MACROD1: variants seen among roughly 807,000 people sequenced by gnomAD.
MACROD1 encodes the protein ADP-ribose glycohydrolase MACROD1.
A neutral mutation model predicts 41.4 loss-of-function variants in MACROD1; 31 were observed. The observed-to-expected ratio is 0.75, with a 90% confidence interval of 0.56 to 1.01. The LOEUF is 1.01. Ranked by LOEUF, MACROD1 falls within the 50% of genes least tolerant of loss-of-function variation. The probability of loss-of-function intolerance (pLI) is 0.00; values close to 1 mark genes in which losing one functional copy is unlikely to be tolerated. For synonymous variants in MACROD1, 252 were observed against 203.4 expected, an observed-to-expected ratio of 1.24 and a Z score of -2.03; for missense variants, 473 against 460.0, an observed-to-expected ratio of 1.03 and a Z score of -0.26.
intron 3 of MACROD1, among the ~76,000 whole-genome samples, chr11:64,071,515 C>CCCAGA (rs1246435652): frequency 2.0e-5 from 3 of 152,156 alleles, no homozygotes; most frequent in Non-Finnish European, 4.4e-5. Context: ...CCAGGAGTCA[C>CCCAGA]CCTGGGGCCC....
intron 3 of MACROD1, among the ~76,000 whole-genome samples, chr11:64,099,119 C>T (rs954849559): frequency 1.3e-5 from 2 of 152,208 alleles, no homozygotes; most frequent in Admixed American, 1.3e-4. Flanking sequence ...GCCAGACCTG[C>T]CTCCCTCTGG....
chr11:64,078,657 C>T (rs1204602519), intron 3 of MACROD1, among the ~76,000 whole-genome samples: 1 of 152,170 alleles, frequency 6.6e-6, no homozygotes, highest in Non-Finnish European at 1.5e-5. Flanking sequence ...CCTTGTCCTA[C>T]AAATATGTGC....
At chr11:64,084,087 G>T (rs1039718224) in intron 3 of MACROD1, among the ~76,000 whole-genome samples, 3 of 152,190 alleles carry the variant, frequency 2.0e-5, no homozygotes, top group Admixed American at 6.5e-5. Context: ...CTGCCATCCT[G>T]CACACGGGCC....
At chr11:64,137,238 G>A (rs530533492) in intron 3 of MACROD1, among the ~76,000 whole-genome samples, 91 of 152,284 alleles carry the variant, frequency 6.0e-4, no homozygotes, top group African/African-American at 2.2e-3. Flanking sequence ...CCGTGAGCAC[G>A]ACACAGGGGA....
Position 63,998,574 on chromosome 11 carries a change from T to G in MACROD1, c.*144A>C. On this transcript the variant is annotated 3_prime_UTR_variant, in exon 11 of 11. Transcript: ENST00000255681. ...AGTAGGAGCTGCCACAACGAGATCT[T>G]TATTAGGCTCCTCGGGGGCGGGGCG... is the stretch of plus-strand genomic sequence containing the variant. 1.6e-5 allele frequency: 19 copies of G among 1,200,828 alleles called. No homozygotes were observed. Among genetic ancestry groups the G allele is most frequent in the Admixed American group, 8.0e-5 (2 of 25,086 alleles). The allele number at this position is 1,200,828 out of a possible 1,614,324, so 74.4% of individuals were successfully genotyped here.
chr11:64,148,403 T>C (rs1284860140), intron 3 of MACROD1, among the ~76,000 whole-genome samples: 2 of 151,926 alleles, frequency 1.3e-5, no homozygotes, highest in African/African-American at 2.4e-5. Context: ...CACAACAAAA[T>C]CCAGAAGCTC....
At chr11:64,075,561 G>A (rs1944185221) in intron 3 of MACROD1, among the ~76,000 whole-genome samples, 1 of 152,264 alleles carries the variant, frequency 6.6e-6, no homozygotes, top group Non-Finnish European at 1.5e-5. Context: ...CTGGCCTGCT[G>A]CCCTCCTTCC....
At chr11:64,091,402 G>A (rs1193018338) in intron 3 of MACROD1, among the ~76,000 whole-genome samples, 1 of 151,924 alleles carries the variant, frequency 6.6e-6, no homozygotes, top group African/African-American at 2.4e-5. Flanking sequence ...TAGGGAGGTT[G>A]GGGGGCGGGT....
chr11:64,123,180 C>A (rs879538839), intron 3 of MACROD1, among the ~76,000 whole-genome samples: 1 of 152,230 alleles, frequency 6.6e-6, no homozygotes, highest in Admixed American at 6.5e-5. Context: ...GCTCTCAGGG[C>A]CAGGACGCAG....
chr11:64,050,801 T>C (rs1943679109), intron 3 of MACROD1, among the ~76,000 whole-genome samples: 1 of 152,236 alleles, frequency 6.6e-6, no homozygotes, highest in Non-Finnish European at 1.5e-5. Context: ...GTATTTCTAG[T>C]TGAGATGGGG....
At chr11:64,078,273 C>G (rs2134481877) in intron 3 of MACROD1, among the ~76,000 whole-genome samples, 1 of 152,332 alleles carries the variant, frequency 6.6e-6, no homozygotes, top group South Asian at 2.1e-4. Context: ...GCACAGGTCC[C>G]AGGCATGAGA....
chr11:64,155,535 AAGG>A (rs1945654076), intron 1 of MACROD1, among the ~76,000 whole-genome samples: 1 of 152,230 alleles, frequency 6.6e-6, no homozygotes, highest in Non-Finnish European at 1.5e-5. Context: ...GGGAGGGTCA[AAGG>A]AGAAGGTGGC....
At chr11:64,136,958 C>T (rs1324089639) in intron 3 of MACROD1, among the ~76,000 whole-genome samples, 1 of 152,214 alleles carries the variant, frequency 6.6e-6, no homozygotes, top group African/African-American at 2.4e-5. Flanking sequence ...GGCATCTCAG[C>T]ATTTGCATGG....
chr11:64,104,182 G>GT (rs1331619254), intron 3 of MACROD1: 1 of 152,386 alleles, frequency 6.6e-6, no homozygotes, highest in Non-Finnish European at 1.5e-5. Context: ...GACGAAGGAG[G>GT]TAAGGCCCAA....
intron 3 of MACROD1, among the ~76,000 whole-genome samples, chr11:64,106,278 C>T (rs1270787027): frequency 6.6e-6 from 1 of 152,118 alleles, no homozygotes; most frequent in African/African-American, 2.4e-5. Context: ...GTGGTGAGGG[C>T]ACCCTGGGTC....
Position 64,152,296 on chromosome 11 carries a change from C to T in MACROD1, c.396G>A (p.Ala132=), listed in dbSNP as rs754541550. The change falls in exon 2 of 11, where the codon GCG becomes GCA. Residue 132 remains alanine, a synonymous_variant. Coordinates refer to ENST00000255681, the MANE Select transcript of MACROD1 (RefSeq NM_014067.4). ...CCTCCCCCGAGCAGGGCCTACCTTT[C>T]GCCATCTCCTTCCATGTCGGGATCT... ...LKKIPTWKEM[A]KGVAVKVEEP... is the part of the protein sequence containing the mutation. 8.1e-6 allele frequency: 13 copies of T among 1,614,032 alleles called. No individual in the cohort carries two copies. Among genetic ancestry groups the T allele is most frequent in the South Asian group, 7.7e-5 (7 of 91,090 alleles).
chr11:64,091,403 G>C (rs887328487), intron 3 of MACROD1, among the ~76,000 whole-genome samples: 1 of 151,918 alleles, frequency 6.6e-6, no homozygotes, highest in Non-Finnish European at 1.5e-5. Context: ...AGGGAGGTTG[G>C]GGGGCGGGTG....
At chr11:63,999,218 AGGAAGGGGCG>A in intron 8 of MACROD1, 103 bp downstream of exon 8, 1 of 1,405,316 alleles carries the variant, frequency 7.1e-7, no homozygotes, top group Non-Finnish European at 9.7e-7. Flanking sequence ...GAAACAGGGA[AGGAAGGGGCG>A]GGCCTGGCCC....
At chr11:64,077,285 A>C (rs1944219757) in intron 3 of MACROD1, among the ~76,000 whole-genome samples, 1 of 152,184 alleles carries the variant, frequency 6.6e-6, no homozygotes, top group Non-Finnish European at 1.5e-5. Context: ...GCCAGCTGGA[A>C]ATGTTTGCAT....
Sources: allele counts gnomAD v4.1 joint callset (sites outside exome capture counted in the v4.1 genomes callset), GRCh38; gene constraint gnomAD v4.1.1; transcripts MANE v1.5; gene names NCBI Gene and HGNC (gene_info 2026-07-23, HGNC 2026-07-21).